ADAMTS8: variants seen among roughly 807,000 people sequenced by gnomAD.
ADAMTS8 encodes the protein ADAM metallopeptidase with thrombospondin type 1 motif 8.
Under a neutral mutation model 64.4 loss-of-function variants are expected in ADAMTS8, and 50 were observed. That is an observed-to-expected ratio of 0.78 (90% CI 0.62 to 0.98). The LOEUF (loss-of-function observed/expected upper bound fraction) is 0.98, where lower values mean the gene tolerates loss of function less well. Among genes scored for constraint, ADAMTS8 ranks in the 50% least tolerant of loss-of-function variants. The probability of loss-of-function intolerance (pLI) is 0.00; values close to 1 mark genes in which losing one functional copy is unlikely to be tolerated. For missense variants in ADAMTS8, 1,192 were observed against 1,208.2 expected (o/e 0.99, Z 0.20); for synonymous variants, 556 against 533.6 (o/e 1.04, Z -0.58).
chr11:130,420,073 G>A (rs1400865561), intron 1 of ADAMTS8, among the ~76,000 whole-genome samples: 1 of 152,202 alleles, frequency 6.6e-6, no homozygotes, highest in Non-Finnish European at 1.5e-5. Context: ...GAAACCAGGA[G>A]GCCAGCCCAG....
In ADAMTS8 at chr11:130,411,589, A is replaced by G; in HGVS notation, c.1578T>C (p.Asp526=). 6.2e-7 allele frequency: 1 copy of G among 1,614,070 alleles called. No homozygotes were observed. The highest frequency in any genetic ancestry group is 1.7e-5 in the Admixed American group (1 of 60,016). The change falls in exon 6 of 9, where the codon GAT becomes GAC. Residue 526 remains aspartate, a synonymous_variant. Transcript: ENST00000257359. This position sits in a 1 kb window ranked among gnomAD's most constrained non-coding sequence, Gnocchi z 4.2. ...EEVERPKPVA[D]GGWAPWGPWG... is the part of the protein sequence containing the mutation. ...AGGGTCCCCACGGTGCCCAGCCTCC[A>G]TCTGCCACGGGCTGCAACATACAAT...
intron 5 of ADAMTS8, among the ~76,000 whole-genome samples, chr11:130,413,783 G>A (rs990072154): frequency 6.6e-6 from 1 of 152,294 alleles, no homozygotes; most frequent in South Asian, 2.1e-4. Context: ...TATGCATTCA[G>A]TTCAAGCACG....
intron 2 of ADAMTS8, among the ~76,000 whole-genome samples, chr11:130,418,286 T>G (rs1803433618): frequency 6.6e-6 from 1 of 152,194 alleles, no homozygotes; most frequent in African/African-American, 2.4e-5. Flanking sequence ...TGTCTTCACA[T>G]CAGCCATTCA....
chr11:130,428,576 C>T lies in ADAMTS8; in HGVS notation c.-290G>A, dbSNP rs1393853715. ...CCTGCCCGCGCCAGCCCCGCGCAGC[C>T]GCCTCCTGCCTCCTCCCCACCCCGG... On this transcript the variant is annotated 5_prime_UTR_variant, in exon 1 of 9. Transcript: ENST00000257359. The T allele has an allele frequency of 2.5e-6, 1 of 402,462 alleles. No homozygotes were observed. 24.9% of individuals were successfully genotyped at this position (402,462 alleles called of 1,614,324 possible).
chr11:130,422,706 C>G (rs895960471), intron 1 of ADAMTS8, among the ~76,000 whole-genome samples: 2 of 152,162 alleles, frequency 1.3e-5, no homozygotes, highest in African/African-American at 4.8e-5. Context: ...CAATGTTGTC[C>G]CTTGAAAGCA....
At position 130,428,463 on chromosome 11, in the gene ADAMTS8, T is replaced by G; in HGVS notation, c.-177A>C. On this transcript the variant is annotated 5_prime_UTR_variant, in exon 1 of 9. Transcript: ENST00000257359. ...GGGAGCGCTCCCCCGGCGGCCCCTC[T>G]GGCTGGCGCAGCCCGCTCCTCCCGC... The G allele has an allele frequency of 9.8e-7, 1 of 1,017,178 alleles. No homozygotes were observed. The allele number at this position is 1,017,178 out of a possible 1,614,324, so 63.0% of individuals were successfully genotyped here.
Position 130,405,569 on chromosome 11 carries a change from A to G in ADAMTS8, c.2659T>C (p.Cys887Arg), listed in dbSNP as rs767722116. The G allele has an allele frequency of 1.2e-6, 2 of 1,603,778 alleles. No individual in the cohort carries two copies. The highest frequency in any genetic ancestry group is 1.1e-5 in the South Asian group (1 of 89,990). Residue 887 changes from cysteine to arginine, a missense_variant, in exon 9 of 9, where the codon TGC (cysteine) becomes CGC (arginine). Transcript: ENST00000257359. ...CCTGCCCCCCTGAATCACAGGGGGC[A>G]CAGCTGGCTTTCGCAGGGCTTGGCA... is the stretch of plus-strand genomic sequence containing the variant. Reference protein sequence around the residue: ...EDAKPCESQLCPL With the variant: ...EDAKPCESQLRPL
intron 1 of ADAMTS8, 151 bp from the exon 2 acceptor site, chr11:130,419,443 CCCTT>C (rs1862072183): frequency 8.9e-7 from 1 of 1,117,802 alleles, no homozygotes; most frequent in African/African-American, 1.6e-5. Context: ...CCGTGTTACT[CCCTT>C]CATTTTGCAT....
At position 130,427,651 on chromosome 11, in the gene ADAMTS8, C is replaced by T; in HGVS notation, c.636G>A (p.Lys212=). 6.3e-7 allele frequency: 1 copy of T among 1,589,140 alleles called. No homozygotes were observed. Among genetic ancestry groups the T allele is most frequent in the Non-Finnish European group, 8.5e-7 (1 of 1,170,054 alleles). Residue 212 remains lysine, a synonymous_variant, in exon 1 of 9, where the codon AAG becomes AAA. Transcript: ENST00000257359. The part of the protein sequence containing the change: ...PPPLGATSRT[K]RFVSEARFVE... ...CGAAGCGCGCCTCAGACACAAACCG[C>T]TTGGTCCTACTCGTGGCCCCCAGGG...
intron 5 of ADAMTS8, among the ~76,000 whole-genome samples, chr11:130,413,922 A>G (rs990021360): frequency 1.2e-4 from 19 of 152,020 alleles, no homozygotes; most frequent in Admixed American, 8.5e-4. Flanking sequence ...CCGCTCACCA[A>G]TCTGCACCTG....
chr11:130,413,459 TG>T (rs1861978261), intron 5 of ADAMTS8, among the ~76,000 whole-genome samples: 1 of 152,158 alleles, frequency 6.6e-6, no homozygotes, highest in South Asian at 2.1e-4. Context: ...GAGGAGTGCT[TG>T]GGCCACCCTG....
intron 1 of ADAMTS8, among the ~76,000 whole-genome samples, chr11:130,421,416 G>A (rs1459572809): frequency 6.6e-6 from 1 of 152,190 alleles, no homozygotes; most frequent in Non-Finnish European, 1.5e-5. Context: ...ACAGTGCATA[G>A]CTGTCAGGCA....
At chr11:130,413,451 G>A (rs997705086) in intron 5 of ADAMTS8, among the ~76,000 whole-genome samples, 1 of 152,222 alleles carries the variant, frequency 6.6e-6, no homozygotes, top group Non-Finnish European at 1.5e-5. Context: ...CATGCACTGA[G>A]GAGTGCTTGG....
chr11:130,406,217 G>C (rs1018901660), intron 8 of ADAMTS8, 89 bp from the exon 9 acceptor site: 16 of 1,464,632 alleles, frequency 1.1e-5, no homozygotes, highest in Non-Finnish European at 1.5e-5. Context: ...GGGCACCCCA[G>C]GTGGCAGACA....
Position 130,427,944 on chromosome 11 carries a change from C to A in ADAMTS8, c.343G>T (p.Ala115Ser). 6.5e-7 allele frequency: 1 copy of A among 1,531,936 alleles called. No individual in the cohort carries two copies. Among genetic ancestry groups the A allele is most frequent in the South Asian group, 1.2e-5 (1 of 83,880 alleles). The allele number at this position is 1,531,936 out of a possible 1,614,324, so 94.9% of individuals were successfully genotyped here. A position where few individuals can be genotyped will look rare whatever the true frequency, so the allele number is the denominator to read the frequency against. ...TVNGEPESLAAVSLCRGLSGS... is the reference protein window; with the variant it reads ...TVNGEPESLASVSLCRGLSGS... Reference sequence around the variant, plus strand: ...CTCAGCCCGCGGCACAGGCTGACCGCCGCCAGCGACTCGGGCTCCCCATTC... The same window carrying A: ...CTCAGCCCGCGGCACAGGCTGACCGACGCCAGCGACTCGGGCTCCCCATTC... The change falls in exon 1 of 9, where the codon GCG (alanine) becomes TCG (serine). Residue 115 changes from alanine (A) to serine (S), a missense_variant. Ala to Ser is a moderately conservative substitution (Grantham distance 99). This residue lies in a region of ADAMTS8 where 741 missense variants were observed against 710.6 expected (regional missense o/e 1.04). Coordinates refer to ENST00000257359, the MANE Select transcript of ADAMTS8 (RefSeq NM_007037.6).
In ADAMTS8 at chr11:130,406,117, T is replaced by G. The variant is rs1861880829; in HGVS notation, c.2111A>C (p.Asn704Thr). The G allele has an allele frequency of 5.6e-6, 9 of 1,608,030 alleles. No homozygotes were observed. Among genetic ancestry groups the G allele is most frequent in the Non-Finnish European group, 7.6e-6 (9 of 1,179,154 alleles). ...GSLTPTNYGY[N>T]DIVTIPAGAT... ...ACCAGCTGGGATGGTGACAATGTCA[T>G]TGTAGCCATAACTGTGATAGAAACA... The change falls in exon 9 of 9, where the codon AAT becomes ACT. Residue 704 changes from asparagine (N) to threonine (T), a missense_variant. Asn to Thr is a moderately conservative substitution (Grantham distance 65). Transcript: ENST00000257359.
At chr11:130,406,678 T>G (rs1441002261) in intron 8 of ADAMTS8, among the ~76,000 whole-genome samples, 1 of 151,798 alleles carries the variant, frequency 6.6e-6, no homozygotes, top group African/African-American at 2.4e-5. Context: ...CAGGGTGGGG[T>G]TGGGAGTTGG....
intron 1 of ADAMTS8, among the ~76,000 whole-genome samples, chr11:130,425,007 C>G (rs1862145612): frequency 6.6e-6 from 1 of 152,118 alleles, no homozygotes; most frequent in African/African-American, 2.4e-5. Flanking sequence ...TGCCCGATGC[C>G]TGTTTTGCTG....
At chr11:130,406,985 G>A (rs1861893412) in intron 8 of ADAMTS8, among the ~76,000 whole-genome samples, 2 of 152,178 alleles carry the variant, frequency 1.3e-5, no homozygotes, top group South Asian at 4.1e-4. Context: ...AGGCCCATCT[G>A]TCTAAAGCCT....
Sources: gnomAD v4.1 joint callset for allele counts (sites outside exome capture counted in the v4.1 genomes callset) on GRCh38, gnomAD v4.1.1 for gene constraint, gnomAD v4.1.1 regional missense constraint, Gnocchi (gnomAD v3.1) non-coding constraint, MANE v1.5 for transcripts, NCBI Gene and HGNC (gene_info 2026-07-23, HGNC 2026-07-21) for gene names.